Variants in DDN observed in about 807,000 individuals in gnomAD.
DDN encodes the protein dendrin.
Under a neutral mutation model 7.3 loss-of-function variants are expected in DDN, and 4 were observed. The ratio of observed to expected loss-of-function variants is 0.55; its 90% CI spans 0.27 to 1.25. The LOEUF (loss-of-function observed/expected upper bound fraction) is 1.25, where lower values mean the gene tolerates loss of function less well. Among genes scored for constraint, DDN ranks in the 50% most tolerant of loss-of-function variants. The pLI, the probability that DDN is intolerant of heterozygous loss-of-function variation, is 0.12. For missense variants in DDN, 933 were observed against 974.7 expected, an observed-to-expected ratio of 0.96 and a Z score of 0.57; for synonymous variants, 425 against 424.3, an observed-to-expected ratio of 1.00 and a Z score of -0.02.
intron 1 of DDN, 137 bp downstream of exon 1, chr12:48,998,942 C>T (rs1941259260): frequency 1.8e-6 from 2 of 1,087,050 alleles, no homozygotes; most frequent in Non-Finnish European, 1.3e-6. Context: ...AGTCAGGCCC[C>T]AGCCCTCGGG....
chr12:48,998,829 C>T, intron 1 of DDN, 163 bp from the exon 2 acceptor site: 1 of 984,206 alleles, frequency 1.0e-6, no homozygotes, highest in Non-Finnish European at 1.5e-6. Context: ...GAAGTCGAAG[C>T]GGGACTCCTC....
Position 48,998,350 on chromosome 12 carries a change from G to T in DDN, c.526C>A (p.Arg176Ser), listed in dbSNP as rs542157270. 2.9e-5 allele frequency: 44 copies of T among 1,515,446 alleles called. No individual in the cohort carries two copies. In the East Asian group the frequency reaches 8.2e-4, roughly 28 times the overall value. 93.9% of individuals were successfully genotyped at this position (1,515,446 alleles called of 1,614,324 possible). Residue 176 changes from arginine to serine, a missense_variant, in exon 2 of 2, where the codon CGT (arginine) becomes AGT (serine). By Grantham distance (110) the Arg-to-Ser change is moderately radical (BLOSUM62 -1). Transcript: ENST00000421952. ...ERLAPVGRAP[R>S]PSAQPQSDPG... is the part of the protein sequence containing the mutation. ...TCGCTCTGCGGCTGCGCGGATGGAC[G>T]GGGCGCTCGCCCCACAGGCGCCAGG...
chr12:48,998,823 T>G, intron 1 of DDN, 157 bp from the exon 2 acceptor site: 3 of 1,029,776 alleles, frequency 2.9e-6, no homozygotes, highest in Non-Finnish European at 4.1e-6. Flanking sequence ...AGGACTGAAG[T>G]CGAAGCGGGA....
chr12:48,997,737 A>C lies in DDN; in HGVS notation c.1139T>G (p.Ile380Ser). The C allele has an allele frequency of 6.3e-7, 1 of 1,597,796 alleles. No homozygotes were observed. The highest frequency in any genetic ancestry group is 8.5e-7 in the Non-Finnish European group (1 of 1,169,906). ...GGGAATCCAGCATTTGGGAAACCAG[A>C]TCTGTTCTCCTTCTTTCCCTTCCCT... ...GSREGKEGEQ[I>S]WFPKCWIPSP... is the part of the protein sequence containing the mutation. The change falls in exon 2 of 2, where the codon ATC becomes AGC. Residue 380 changes from isoleucine to serine, a missense_variant. Ile to Ser is a moderately radical substitution (Grantham distance 142). Transcript: ENST00000421952.
At position 48,997,589 on chromosome 12, in the gene DDN, A is replaced by G; in HGVS notation, c.1287T>C (p.Gly429=). Residue 429 remains glycine (G), a synonymous_variant, in exon 2 of 2, where the codon GGT becomes GGC. Coordinates refer to ENST00000421952, the MANE Select transcript of DDN (RefSeq NM_015086.2). The part of the protein sequence containing the change: ...GEGAGPETLE[G]WKATRRAHTL... ...TGTGGGCACGGCGGGTCGCCTTCCA[A>G]CCCTCCAGGGTCTCCGGTCCTGCCC... The G allele has an allele frequency of 1.9e-6, 3 of 1,578,970 alleles. No homozygotes were observed. Among genetic ancestry groups the G allele is most frequent in the South Asian group, 1.2e-5 (1 of 85,884 alleles).
chr12:48,997,376 A>C lies in DDN; in HGVS notation c.1500T>G (p.Gly500=), dbSNP rs1244812808. The C allele has an allele frequency of 1.2e-6, 2 of 1,613,096 alleles. No homozygotes were observed. Among genetic ancestry groups the C allele is most frequent in the Admixed American group, 3.3e-5 (2 of 59,932 alleles). ...GGGAAGGAAAGACCGTGGCCCCTTC[A>C]CCCTCCTCCTTGCCGGGCTTCGATT... ...PSQSKPGKEE[G]EGATVFPSPC... is the part of the protein sequence containing the mutation. The change falls in exon 2 of 2, where the codon GGT becomes GGG. Residue 500 remains glycine, a synonymous_variant. Transcript: ENST00000421952.
At position 48,999,291 on chromosome 12, in the gene DDN, G is replaced by GGCCCCCCCC. The variant is rs1941265435; in HGVS notation, c.-5_-4insGGGGGGGGC. ...AGAACAGTGGGCCATCCAGCATCCTGCCCCACCCCACCCCGGCCCCCCACC... is the reference window on the plus strand; with the variant it reads ...AGAACAGTGGGCCATCCAGCATCCTGGCCCCCCCCCCCCACCCCACCCCGGCCCCCCACC... On this transcript the variant is annotated 5_prime_UTR_variant, in exon 1 of 2. Coordinates refer to ENST00000421952, the MANE Select transcript of DDN (RefSeq NM_015086.2). 6 of 1,510,044 alleles carry GGCCCCCCCC rather than the reference G, an allele frequency of 4.0e-6. No individual in the cohort carries two copies. The highest frequency in any genetic ancestry group is 2.5e-5 in the East Asian group (1 of 39,410). The allele number at this position is 1,510,044 out of a possible 1,614,324, so 93.5% of individuals were successfully genotyped here.
intron 1 of DDN, 105 bp from the exon 2 acceptor site, chr12:48,998,771 GGTGTGTGTGA>G: frequency 7.4e-7 from 1 of 1,351,582 alleles, no homozygotes; most frequent in Non-Finnish European, 9.8e-7. Context: ...CATGTGAAGG[GGTGTGTGTGA>G]GTGTGTGCGC....
rs779967849 is a variant in DDN at position 48,997,986 on chromosome 12, G to T, written c.890C>A (p.Ser297Tyr). The T allele has an allele frequency of 3.1e-6, 5 of 1,613,136 alleles. No individual in the cohort carries two copies. The highest frequency in any genetic ancestry group is 4.2e-6 in the Non-Finnish European group (5 of 1,180,024). The change falls in exon 2 of 2, where the codon TCC becomes TAC. Residue 297 changes from serine (S) to tyrosine (Y), a missense_variant. Coordinates refer to ENST00000421952, the MANE Select transcript of DDN (RefSeq NM_015086.2). ...LRQGQGLLGGSPGCGAARARP... is the reference protein window; with the variant it reads ...LRQGQGLLGGYPGCGAARARP... ...TGCTCTGGCCGCTCCACAGCCTGGG[G>T]ATCCCCCCAAGAGACCTTGCCCCTG...
At position 48,997,536 on chromosome 12, in the gene DDN, G is replaced by C; in HGVS notation, c.1340C>G (p.Ser447Cys). The change falls in exon 2 of 2, where the codon TCC becomes TGC. Residue 447 changes from serine to cysteine, a missense_variant. Physicochemically the swap from Ser to Cys is moderately radical, Grantham distance 112. Transcript: ENST00000421952. ...HTLPRSSQGL[S>C]RGEGVFVIDA... ...AATGACAAAGACGCCTTCCCCACGGGACAGGCCCTGGGAACTGCGGGGCAA... is the reference window on the plus strand; with the variant it reads ...AATGACAAAGACGCCTTCCCCACGGCACAGGCCCTGGGAACTGCGGGGCAA... 6.2e-7 allele frequency: 1 copy of C among 1,606,856 alleles called. No homozygotes were observed. Among genetic ancestry groups the C allele is most frequent in the Non-Finnish European group, 8.5e-7 (1 of 1,174,972 alleles).
In DDN at chr12:48,996,737, C is replaced by G. The variant is rs754138444; in HGVS notation, c.*3G>C. 1.2e-6 allele frequency: 2 copies of G among 1,610,178 alleles called. No individual in the cohort carries two copies. Among genetic ancestry groups the G allele is most frequent in the South Asian group, 2.2e-5 (2 of 91,024 alleles). On this transcript the variant is annotated 3_prime_UTR_variant, in exon 2 of 2. Transcript: ENST00000421952. ...TGGGGACACAAATACAAGAAGGGGC[C>G]TCTCACTGCCTCTTCCTATTTCCCT... is the stretch of plus-strand genomic sequence containing the variant.
rs140356889 is a variant in DDN at position 48,999,083 on chromosome 12, G to T, written c.205C>A (p.Arg69Ser). 1.7e-5 allele frequency: 28 copies of T among 1,613,874 alleles called. No individual in the cohort carries two copies. Among genetic ancestry groups the T allele is most frequent in the Non-Finnish European group, 2.1e-5 (25 of 1,179,960 alleles). ...ASHWARGFQNRTCGPRPGSPQ... is the reference protein window; with the variant it reads ...ASHWARGFQNSTCGPRPGSPQ... ...CCTCACCCCTGCTTCACTCACGTGCGGTTCTGGAACCCGCGAGCCCAGTGG... is the reference window on the plus strand; with the variant it reads ...CCTCACCCCTGCTTCACTCACGTGCTGTTCTGGAACCCGCGAGCCCAGTGG... Residue 69 changes from arginine to serine, a missense_variant, in exon 1 of 2, where the codon CGC (arginine) becomes AGC (serine). Coordinates refer to ENST00000421952, the MANE Select transcript of DDN (RefSeq NM_015086.2).
chr12:48,998,012 T>G lies in DDN; in HGVS notation c.864A>C (p.Arg288=), dbSNP rs748122778. 1.2e-6 allele frequency: 2 copies of G among 1,613,596 alleles called. No individual in the cohort carries two copies. The highest frequency in any genetic ancestry group is 2.2e-5 in the South Asian group (2 of 91,082). ...YRDVLGAWGL[R]QGQGLLGGSP... ...ATCCCCCCAAGAGACCTTGCCCCTGTCGGAGACCCCAAGCCCCGAGGACGT... is the reference window on the plus strand; with the variant it reads ...ATCCCCCCAAGAGACCTTGCCCCTGGCGGAGACCCCAAGCCCCGAGGACGT... The change falls in exon 2 of 2, where the codon CGA becomes CGC. Residue 288 remains arginine, a synonymous_variant. Transcript: ENST00000421952.
Position 48,999,267 on chromosome 12 carries a change from G to A in DDN, c.21C>T (p.Phe7=). MLDGPL[F]SEGPDSPREL... Reference sequence around the variant, plus strand: ...CCCGGGGGCTGTCAGGCCCCTCGGAGAACAGTGGGCCATCCAGCATCCTGC... The same window carrying A: ...CCCGGGGGCTGTCAGGCCCCTCGGAAAACAGTGGGCCATCCAGCATCCTGC... Residue 7 remains phenylalanine (F), a synonymous_variant, in exon 1 of 2, where the codon TTC becomes TTT. Coordinates refer to ENST00000421952, the MANE Select transcript of DDN (RefSeq NM_015086.2). The A allele has an allele frequency of 6.4e-7, 1 of 1,552,636 alleles. No individual in the cohort carries two copies. Among genetic ancestry groups the A allele is most frequent in the Non-Finnish European group, 8.7e-7 (1 of 1,147,970 alleles).
In DDN at chr12:48,997,051, C is replaced by G; in HGVS notation, c.1825G>C (p.Gly609Arg). 3 of 1,546,024 alleles carry G rather than the reference C, an allele frequency of 1.9e-6. No homozygotes were observed. Among genetic ancestry groups the G allele is most frequent in the Non-Finnish European group, 2.6e-6 (3 of 1,151,224 alleles). ...GWARTPGPYA[G>R]ALREAVSRIR... The stretch of plus-strand genomic sequence containing the variant: ...CGGGACACGGCTTCTCGCAGGGCCC[C>G]GGCGTAGGGCCCTGGGGTCCGCGCC... The change falls in exon 2 of 2, where the codon GGG becomes CGG. Residue 609 changes from glycine to arginine, a missense_variant. Transcript: ENST00000421952.
In DDN at chr12:48,999,123, C is replaced by T. The variant is rs1468570754; in HGVS notation, c.165G>A (p.Met55Ile). 1.2e-6 allele frequency: 2 copies of T among 1,614,030 alleles called. No individual in the cohort carries two copies. Among genetic ancestry groups the T allele is most frequent in the South Asian group, 1.1e-5 (1 of 91,094 alleles). ...GAGCCCAGTGGCTGGCCTGGAAGTC[C>T]ATGGGCTGTCGAGAAGGGGCGCGGC... ...YSRRAPSRQPMDFQASHWARG... is the reference protein window; with the variant it reads ...YSRRAPSRQPIDFQASHWARG... The change falls in exon 1 of 2, where the codon ATG (methionine) becomes ATA (isoleucine). Residue 55 changes from methionine to isoleucine, a missense_variant. Met to Ile is a conservative substitution (Grantham distance 10, BLOSUM62 1). Coordinates refer to ENST00000421952, the MANE Select transcript of DDN (RefSeq NM_015086.2).
chr12:48,997,288 C>CGCCCCCGCG lies in DDN; in HGVS notation c.1579_1587dup (p.Arg527_Gly529dup). 1.2e-6 allele frequency: 2 copies of CGCCCCCGCG among 1,609,098 alleles called. No individual in the cohort carries two copies. Among genetic ancestry groups the CGCCCCCGCG allele is most frequent in the Non-Finnish European group, 1.7e-6 (2 of 1,178,418 alleles). ...TCCCCCGGCCTCCCGCCCTCAGCTT[C>CGCCCCCGCG]GCCCCCGCGGCCCCCGCCGGGCTGG... On this transcript the variant is annotated inframe_insertion, in exon 2 of 2. Transcript: ENST00000421952.
In DDN at chr12:48,996,739, C is replaced by T; in HGVS notation, c.*1G>A. The T allele has an allele frequency of 6.2e-7, 1 of 1,611,754 alleles. No individual in the cohort carries two copies. The highest frequency in any genetic ancestry group is 2.2e-5 in the East Asian group (1 of 44,814). ...GGGACACAAATACAAGAAGGGGCCT[C>T]TCACTGCCTCTTCCTATTTCCCTGT... On this transcript the variant is annotated 3_prime_UTR_variant, in exon 2 of 2. Transcript: ENST00000421952.
chr12:48,997,690 G>A lies in DDN; in HGVS notation c.1186C>T (p.Arg396Cys), dbSNP rs1813904840. 6.4e-7 allele frequency: 1 copy of A among 1,572,394 alleles called. No individual in the cohort carries two copies. Among genetic ancestry groups the A allele is most frequent in the Middle Eastern group, 1.7e-4 (1 of 5,840 alleles). Residue 396 changes from arginine (R) to cysteine (C), a missense_variant, in exon 2 of 2, where the codon CGC becomes TGC. Arg to Cys is a radical substitution (Grantham distance 180). Transcript: ENST00000421952. ...WIPSPKKQPP[R>C]HSQTLPRPWA... ...GGTCTGGGGAGTGTCTGGCTATGGC[G>A]GGGCGGCTGCTTTTTAGGGGAGGGA...
Sources: allele counts gnomAD v4.1 joint callset, GRCh38; gene constraint gnomAD v4.1.1; transcripts MANE v1.5; gene names NCBI Gene and HGNC (gene_info 2026-07-23, HGNC 2026-07-21).